Variants in DOCK4 observed in about 807,000 individuals in gnomAD.
DOCK4 encodes dedicator of cytokinesis 4, also known as dedicator of cytokinesis protein 4.
Under a neutral mutation model 268.1 loss-of-function variants are expected in DOCK4, and 97 were observed. That is an observed-to-expected ratio of 0.36 (90% confidence interval 0.31 to 0.43). DOCK4 has a LOEUF of 0.43. DOCK4 is among the 20% of genes least tolerant of loss of function. The probability of loss-of-function intolerance (pLI) is 1.00; values close to 1 mark genes in which losing one functional copy is unlikely to be tolerated. For synonymous variants in DOCK4, 954 were observed against 887.2 expected (o/e 1.08, Z -1.34); for missense variants, 2,145 against 2,455.7 (o/e 0.87, Z 2.67).
intron 12 of DOCK4, among the ~76,000 whole-genome samples, chr7:111,933,627 G>A (rs949764472): frequency 2.6e-5 from 4 of 151,960 alleles, no homozygotes; most frequent in African/African-American, 7.3e-5. Flanking sequence ...GAAAAGAGAA[G>A]ACAAGCATAC....
rs555589408 is a variant in DOCK4, at chr7:112,118,877, C to G, written c.37+87225G>C. On this transcript the variant is annotated intron_variant, in intron 1 of 52. Coordinates refer to ENST00000428084, the MANE Select transcript of DOCK4 (RefSeq NM_001363540.2). ...GAGCCCAGTTTCTTCAATAACCACC[C>G]AGAAGACTCAAAACTTCATTTTTCC... Among the ~76,000 whole-genome samples, 189 of 152,280 alleles carry G rather than the reference C, an allele frequency of 1.2e-3. 1 individual carries two copies. The highest frequency in any genetic ancestry group is 4.3e-3 in the African/African-American group (180 of 41,554).
At chr7:111,741,239 C>A (rs754114444) in intron 46 of DOCK4, 25 bp from the exon 47 acceptor site, 2 of 1,611,878 alleles carry the variant, frequency 1.2e-6, no homozygotes, top group Non-Finnish European at 1.7e-6. Context: ...AAAAAAAGGT[C>A]ATTAACTCAG....
intron 23 of DOCK4, among the ~76,000 whole-genome samples, chr7:111,860,608 C>A (rs1805429340): frequency 6.6e-6 from 1 of 152,066 alleles, no homozygotes; most frequent in Non-Finnish European, 1.5e-5. Flanking sequence ...TTCTTCTCTT[C>A]CTTTTCCACG....
chr7:112,125,369 G>A (rs150038925), intron 1 of DOCK4, among the ~76,000 whole-genome samples: 8 of 152,092 alleles, frequency 5.3e-5, no homozygotes, highest in Non-Finnish European at 1.2e-4. Context: ...TTTCTGAAAC[G>A]CAAGGTCATT....
intron 38 of DOCK4, 113 bp from the exon 39 acceptor site, chr7:111,765,335 G>C: frequency 1.4e-6 from 1 of 704,954 alleles, no homozygotes; most frequent in Non-Finnish European, 2.3e-6. Context: ...AATTGAGTTT[G>C]CTGGAAAGAA....
intron 31 of DOCK4, 93 bp from the exon 32 acceptor site, chr7:111,788,840 G>T: frequency 8.5e-7 from 1 of 1,177,022 alleles, no homozygotes; most frequent in Non-Finnish European, 1.2e-6. Flanking sequence ...CAAGGAAAAA[G>T]CCATGGTAAA....
intron 22 of DOCK4, among the ~76,000 whole-genome samples, chr7:111,866,623 G>A (rs902429137): frequency 3.9e-5 from 6 of 152,200 alleles, no homozygotes; most frequent in Non-Finnish European, 5.9e-5. Context: ...GCTGTACCCC[G>A]GTGGCCCAAG....
At chr7:112,022,301 G>A (rs868232684) in intron 1 of DOCK4, among the ~76,000 whole-genome samples, 2 of 152,306 alleles carry the variant, frequency 1.3e-5, no homozygotes, top group African/African-American at 2.4e-5. Context: ...CTCTGCAGTA[G>A]GTATTCTTAT....
chr7:111,825,764 T>G (rs910757735), intron 26 of DOCK4, among the ~76,000 whole-genome samples: 1 of 152,116 alleles, frequency 6.6e-6, no homozygotes, highest in Non-Finnish European at 1.5e-5. Flanking sequence ...AGGGAGGTGT[T>G]ATTTTATAGA....
At chr7:111,907,711 A>G (rs918834324) in intron 13 of DOCK4, among the ~76,000 whole-genome samples, 1 of 152,002 alleles carries the variant, frequency 6.6e-6, no homozygotes, top group Admixed American at 6.6e-5. Context: ...TAGGTTTAGG[A>G]TATATATAGA....
intron 3 of DOCK4, among the ~76,000 whole-genome samples, chr7:112,000,252 T>G (rs1800312954): frequency 6.6e-6 from 1 of 152,156 alleles, no homozygotes; most frequent in Non-Finnish European, 1.5e-5. Flanking sequence ...TTTGTTTATA[T>G]ATAATGAGCT....
intron 1 of DOCK4, among the ~76,000 whole-genome samples, chr7:112,148,026 T>A (rs562165275): frequency 2.0e-4 from 30 of 152,132 alleles, no homozygotes; most frequent in Admixed American, 1.0e-3. Flanking sequence ...TGCTTGATGT[T>A]CTCTGCTTTC....
intron 1 of DOCK4, among the ~76,000 whole-genome samples, chr7:112,144,202 A>G (rs60672648): frequency 0.27 from 41,245 of 152,086 alleles, 6,546 homozygotes; most frequent in East Asian, 0.48. Flanking sequence ...CATGGACACA[A>G]GAGACATAAT....
intron 23 of DOCK4, among the ~76,000 whole-genome samples, chr7:111,853,917 TTTG>T (rs762690402): frequency 1.3e-5 from 2 of 151,818 alleles, no homozygotes; most frequent in African/African-American, 2.4e-5. Context: ...TCAGTAGCTT[TTTG>T]TTGTTGTTGT....
chr7:112,184,073 C>T (rs1819281330), intron 1 of DOCK4, among the ~76,000 whole-genome samples: 1 of 152,190 alleles, frequency 6.6e-6, no homozygotes, highest in South Asian at 2.1e-4. Flanking sequence ...GACTTCTCCA[C>T]ACAGGTTTGA....
At chr7:111,830,709 A>G (rs571941577) in intron 26 of DOCK4, among the ~76,000 whole-genome samples, 5 of 152,142 alleles carry the variant, frequency 3.3e-5, no homozygotes, top group East Asian at 3.9e-4. Flanking sequence ...CTCCTCCATC[A>G]TAAGTATTCA....
In DOCK4 at chr7:112,175,140, G is replaced by C. The variant is rs187852428; in HGVS notation, c.37+30962C>G. Among the ~76,000 whole-genome samples, 486 of 152,066 alleles carry C rather than the reference G, an allele frequency of 3.2e-3. 9 individuals carry two copies. The highest frequency in any genetic ancestry group is 0.023 in the Admixed American group (349 of 15,272). ...GGCCTCCCAAAGTGCTGGGATTACA[G>C]GTGTGAGTCACCGCGCCCAGCCCCG... On this transcript the variant is annotated intron_variant, in intron 1 of 52. Coordinates refer to ENST00000428084, the MANE Select transcript of DOCK4 (RefSeq NM_001363540.2).
At chr7:112,045,048 C>T (rs1440909651) in intron 1 of DOCK4, among the ~76,000 whole-genome samples, 1 of 152,138 alleles carries the variant, frequency 6.6e-6, no homozygotes, top group Non-Finnish European at 1.5e-5. Flanking sequence ...GCTAATAAAG[C>T]CCCAGGTGAT....
intron 1 of DOCK4, among the ~76,000 whole-genome samples, chr7:112,027,193 A>G (rs182704239): frequency 1.3e-5 from 2 of 152,182 alleles, no homozygotes; most frequent in East Asian, 3.9e-4. Flanking sequence ...GAGACAGGCT[A>G]CCTTTCTTTA....
Sources: gnomAD v4.1 joint callset for allele counts (sites outside exome capture counted in the v4.1 genomes callset) on GRCh38, gnomAD v4.1.1 for gene constraint, MANE v1.5 for transcripts, NCBI Gene and HGNC (gene_info 2026-07-23, HGNC 2026-07-21) for gene names.